IL1RAPL2: variants seen among roughly 807,000 people sequenced by gnomAD.
The protein encoded by IL1RAPL2 is interleukin 1 receptor accessory protein like 2, also known as X-linked interleukin-1 receptor accessory protein-like 2.
In IL1RAPL2, 3 loss-of-function variants were observed where a neutral mutation model predicts 44.1. The ratio of observed to expected loss-of-function variants is 0.07; its 90% CI spans 0.03 to 0.18. The LOEUF (loss-of-function observed/expected upper bound fraction) is 0.18. Among genes scored for constraint, IL1RAPL2 ranks in the 10% least tolerant of loss-of-function variants. The pLI is 1.00. For missense variants in IL1RAPL2, 391 were observed against 496.4 expected (o/e 0.79, Z 2.02); for synonymous variants, 181 against 178.8 (o/e 1.01, Z -0.10).
At chrX:105,753,697 A>G (rs1427789274) in intron 9 of IL1RAPL2, among the ~76,000 whole-genome samples, 2 of 112,081 alleles carry the variant, frequency 1.8e-5, no homozygotes, top group Non-Finnish European at 3.8e-5. Context: ...TCAACTACCC[A>G]GGGCAGTCCT....
chrX:104,840,425 G>C (rs1921869727), intron 2 of IL1RAPL2, among the ~76,000 whole-genome samples: 1 of 111,901 alleles, frequency 8.9e-6, no homozygotes, highest in African/African-American at 3.3e-5. Flanking sequence ...TGTGGTCTGA[G>C]AGACTGTTTG....
At chrX:104,646,413 A>G (rs1930041809) in intron 1 of IL1RAPL2, among the ~76,000 whole-genome samples, 1 of 110,751 alleles carries the variant, frequency 9.0e-6, no homozygotes, top group South Asian at 3.8e-4. Context: ...ATGGTACATA[A>G]TAGGCTCATT....
intron 6 of IL1RAPL2, among the ~76,000 whole-genome samples, chrX:105,570,755 C>A (rs754306630): frequency 1.5e-3 from 165 of 111,967 alleles, no homozygotes; most frequent in Non-Finnish European, 2.8e-3. Context: ...TCTATTCCCC[C>A]TTTATACATG....
chrX:105,280,977 T>C (rs1230146866), intron 5 of IL1RAPL2, among the ~76,000 whole-genome samples: 1 of 111,447 alleles, frequency 9.0e-6, no homozygotes, highest in East Asian at 2.8e-4. Flanking sequence ...CATGCGCCCA[T>C]GTTTATTGCA....
intron 5 of IL1RAPL2, among the ~76,000 whole-genome samples, chrX:105,374,099 A>G (rs1222275062): frequency 9.9e-6 from 1 of 101,456 alleles, no homozygotes; most frequent in African/African-American, 3.9e-5. Context: ...AGACTGGGCA[A>G]CAAGAGCAAG....
chrX:105,595,475 A>T (rs761704398), intron 6 of IL1RAPL2, among the ~76,000 whole-genome samples: 1 of 111,862 alleles, frequency 8.9e-6, no homozygotes, highest in South Asian at 3.6e-4. Flanking sequence ...AGGGTTTTCC[A>T]TGGCCTTAAC....
intron 2 of IL1RAPL2, among the ~76,000 whole-genome samples, chrX:105,038,132 C>G (rs191171224): frequency 1.4e-3 from 157 of 111,367 alleles, no homozygotes; most frequent in African/African-American, 4.8e-3. Context: ...CTAGATCCAC[C>G]CACAGCATCA....
intron 6 of IL1RAPL2, among the ~76,000 whole-genome samples, chrX:105,626,418 C>T (rs758851615): frequency 9.0e-6 from 1 of 111,034 alleles, no homozygotes; most frequent in East Asian, 2.9e-4. Context: ...CTTGTACTGA[C>T]ACACCCAAAA....
intron 1 of IL1RAPL2, among the ~76,000 whole-genome samples, chrX:104,615,901 C>T (rs754891889): frequency 8.9e-6 from 1 of 112,097 alleles, no homozygotes; most frequent in South Asian, 3.7e-4. Flanking sequence ...TGTTTCTTGA[C>T]TTTTTAATGA....
chrX:105,547,271 G>A (rs1056804940), intron 6 of IL1RAPL2, among the ~76,000 whole-genome samples: 1 of 112,123 alleles, frequency 8.9e-6, no homozygotes, highest in Admixed American at 9.5e-5. Flanking sequence ...AACCTCTATC[G>A]TACATTTTTA....
intron 2 of IL1RAPL2, among the ~76,000 whole-genome samples, chrX:105,191,904 G>C (rs185819318): frequency 2.7e-5 from 3 of 111,820 alleles, no homozygotes; most frequent in African/African-American, 9.7e-5. Flanking sequence ...GGGAGATACA[G>C]TTATCAAATC....
At chrX:105,380,421 A>C (rs957331877) in intron 5 of IL1RAPL2, among the ~76,000 whole-genome samples, 1 of 111,213 alleles carries the variant, frequency 9.0e-6, no homozygotes, top group Admixed American at 9.6e-5. Flanking sequence ...GCTTATGGGT[A>C]AATTGTTTTC....
rs888597834 is a variant in IL1RAPL2, at chrX:104,924,146, A to G, written c.82+265151A>G. On this transcript the variant is annotated intron_variant, in intron 2 of 10. Transcript: ENST00000372582. ...AAATATGTGCACCCAACACTAGAGT[A>G]TCGAGACTCACAAAACTAATACTAC... Among the ~76,000 whole-genome samples, 3 of 111,392 alleles carry G rather than the reference A, an allele frequency of 2.7e-5. No individual in the cohort carries two copies. The East Asian group carries it at 8.5e-4, about 32-fold the overall frequency.
chrX:104,837,688 C>T (rs188685628), intron 2 of IL1RAPL2, among the ~76,000 whole-genome samples: 343 of 111,306 alleles, frequency 3.1e-3, no homozygotes, highest in African/African-American at 0.011. Flanking sequence ...GCTTGTTCAC[C>T]CTGATGCTAG....
At chrX:104,896,361 G>T (rs1305656941) in intron 2 of IL1RAPL2, among the ~76,000 whole-genome samples, 1 of 111,537 alleles carries the variant, frequency 9.0e-6, no homozygotes. Context: ...CCTTTCACTG[G>T]CCTTAAGAGT....
intron 2 of IL1RAPL2, among the ~76,000 whole-genome samples, chrX:104,875,434 A>G (rs1231067727): frequency 8.9e-6 from 1 of 111,748 alleles, no homozygotes; most frequent in East Asian, 2.8e-4. Context: ...TTAAAATACA[A>G]TATGAAAAAG....
intron 3 of IL1RAPL2, among the ~76,000 whole-genome samples, chrX:105,196,323 TC>T (rs1395964028): frequency 9.0e-6 from 1 of 111,132 alleles, no homozygotes; most frequent in Non-Finnish European, 1.9e-5. Context: ...CTGACTCATT[TC>T]TTCCCTCACT....
intron 2 of IL1RAPL2, 147 bp from the exon 3 acceptor site, chrX:105,195,328 A>G: frequency 1.8e-6 from 1 of 563,174 alleles, no homozygotes; most frequent in Non-Finnish European, 2.9e-6. Context: ...TCTAAGCAAG[A>G]TACAAGTCTA....
At chrX:105,474,431 C>T (rs1390731630) in intron 5 of IL1RAPL2, among the ~76,000 whole-genome samples, 1 of 111,633 alleles carries the variant, frequency 9.0e-6, no homozygotes, top group Non-Finnish European at 1.9e-5. Context: ...GATAGCTTAC[C>T]AGCAGCAATA....
Sources: allele counts gnomAD v4.1 joint callset (sites outside exome capture counted in the v4.1 genomes callset), GRCh38; gene constraint gnomAD v4.1.1; transcripts MANE v1.5; gene names NCBI Gene and HGNC (gene_info 2026-07-23, HGNC 2026-07-21).